AMBRA1: variants seen among roughly 807,000 people sequenced by gnomAD.
AMBRA1 encodes the protein activating molecule in BECN1-regulated autophagy protein 1.
Under a neutral mutation model 125.4 loss-of-function variants are expected in AMBRA1, and 47 were observed. The ratio of observed to expected loss-of-function variants is 0.37; its 90% CI spans 0.30 to 0.48. The LOEUF is 0.48. AMBRA1 is among the 20% of genes least tolerant of loss of function. AMBRA1 has a pLI of 0.99. For missense variants in AMBRA1, 1,331 were observed against 1,693.4 expected (o/e 0.79, Z 3.76); for synonymous variants, 626 against 655.5 (o/e 0.95, Z 0.69).
At chr11:46,405,041 C>T (rs764217625) in intron 17 of AMBRA1, among the ~76,000 whole-genome samples, 3 of 152,204 alleles carry the variant, frequency 2.0e-5, no homozygotes, top group Admixed American at 6.5e-5. Flanking sequence ...GTCAGTTCTC[C>T]ACATGCACCA....
intron 11 of AMBRA1, among the ~76,000 whole-genome samples, chr11:46,484,091 T>C (rs1294885465): frequency 1.3e-5 from 2 of 152,160 alleles, no homozygotes; most frequent in African/African-American, 2.4e-5. Context: ...CCTGGGTTTA[T>C]CATAGGCTCA....
chr11:46,404,894 C>T (rs1236247220), intron 17 of AMBRA1, among the ~76,000 whole-genome samples: 1 of 152,184 alleles, frequency 6.6e-6, no homozygotes, highest in Non-Finnish European at 1.5e-5. Context: ...GCAGAGAATT[C>T]TCTGGGAGGT....
chr11:46,448,878 A>G (rs1053158861), intron 11 of AMBRA1, among the ~76,000 whole-genome samples: 1 of 152,220 alleles, frequency 6.6e-6, no homozygotes, highest in Non-Finnish European at 1.5e-5. Flanking sequence ...AAGACACAGT[A>G]TATTACAATT....
chr11:46,541,633 A>G (rs1246097439), intron 7 of AMBRA1, among the ~76,000 whole-genome samples: 1 of 152,216 alleles, frequency 6.6e-6, no homozygotes, highest in African/African-American at 2.4e-5. Flanking sequence ...AAGGTCAAAA[A>G]GCAGGCAGAG....
chr11:46,519,468 C>G (rs974647492), intron 7 of AMBRA1, among the ~76,000 whole-genome samples: 2 of 152,214 alleles, frequency 1.3e-5, no homozygotes, highest in African/African-American at 4.8e-5. Context: ...TGTCAGATCA[C>G]AGAGAAAAAT....
At chr11:46,570,685 T>G (rs2043726598) in intron 1 of AMBRA1, among the ~76,000 whole-genome samples, 1 of 152,066 alleles carries the variant, frequency 6.6e-6, no homozygotes, top group Non-Finnish European at 1.5e-5. Flanking sequence ...CAGTAAGAGA[T>G]AAACTGTAGG....
In AMBRA1 at chr11:46,543,484, ACAAT is replaced by A. The variant is rs61487456; in HGVS notation, c.619-90_619-87del. ...GTAAATCAAGAAAAACTAACCACTG[ACAAT>A]CATCCAAGGAAAACAATGTTCATAG... On this transcript the variant is annotated intron_variant, in intron 6 of 17. Transcript: ENST00000683756. The A allele has an allele frequency of 2.3e-3, 3,482 of 1,518,314 alleles. 72 individuals are homozygous for A. In the African/African-American group the frequency reaches 0.043, roughly 19 times the overall value. The allele number at this position is 1,518,314 out of a possible 1,614,324, so 94.1% of individuals were successfully genotyped here.
At chr11:46,533,551 C>A (rs1303229559) in intron 7 of AMBRA1, among the ~76,000 whole-genome samples, 2 of 152,158 alleles carry the variant, frequency 1.3e-5, no homozygotes, top group East Asian at 3.9e-4. Context: ...TTCAACCGTT[C>A]ATCAGCTCTT....
intron 5 of AMBRA1, 70 bp from the exon 6 acceptor site, chr11:46,544,111 T>C: frequency 2.3e-6 from 3 of 1,285,084 alleles, no homozygotes. Context: ...AGGAAACTTG[T>C]GTTTGAATTT....
At chr11:46,465,794 A>G (rs1311002288) in intron 11 of AMBRA1, among the ~76,000 whole-genome samples, 4 of 152,236 alleles carry the variant, frequency 2.6e-5, no homozygotes, top group African/African-American at 9.7e-5. Flanking sequence ...GTAACACAGA[A>G]CTTCTGAAAT....
chr11:46,482,452 C>T (rs1950106778), intron 11 of AMBRA1, among the ~76,000 whole-genome samples: 1 of 152,256 alleles, frequency 6.6e-6, no homozygotes, highest in South Asian at 2.1e-4. Context: ...CAAAAAGCAG[C>T]CACTGGCACT....
intron 7 of AMBRA1, among the ~76,000 whole-genome samples, chr11:46,528,720 T>G (rs1221231929): frequency 6.6e-6 from 1 of 152,164 alleles, no homozygotes; most frequent in Admixed American, 6.6e-5. Flanking sequence ...TAATGTGTAC[T>G]GTACACTTTT....
chr11:46,471,538 ACTGCACTCCAGCCTG>A (rs1044406633), intron 11 of AMBRA1, among the ~76,000 whole-genome samples: 2 of 150,960 alleles, frequency 1.3e-5, no homozygotes, highest in African/African-American at 4.9e-5. Context: ...AGATCGCCCC[ACTGCACTCCAGCCTG>A]GGCAACAGAG....
intron 16 of AMBRA1, 117 bp from the exon 17 acceptor site, chr11:46,408,823 A>T: frequency 1.0e-6 from 1 of 966,282 alleles, no homozygotes; most frequent in Non-Finnish European, 1.4e-6. Flanking sequence ...GCAGGCTAAG[A>T]GAAGCCCTGT....
At chr11:46,431,273 T>A (rs1382834749) in intron 14 of AMBRA1, among the ~76,000 whole-genome samples, 1 of 152,182 alleles carries the variant, frequency 6.6e-6, no homozygotes, top group African/African-American at 2.4e-5. Context: ...TGGTACCTAC[T>A]GAGAATCAAA....
At chr11:46,533,062 C>G (rs1250052293) in intron 7 of AMBRA1, among the ~76,000 whole-genome samples, 1 of 152,000 alleles carries the variant, frequency 6.6e-6, no homozygotes, top group Non-Finnish European at 1.5e-5. Context: ...ACTCGGGAGG[C>G]TGAGGCACGA....
At chr11:46,527,023 TAGTC>T (rs1331662923) in intron 7 of AMBRA1, among the ~76,000 whole-genome samples, 1 of 152,212 alleles carries the variant, frequency 6.6e-6, no homozygotes, top group African/African-American at 2.4e-5. Context: ...GCCCCTGTAT[TAGTC>T]AGAAGGGTCA....
intron 15 of AMBRA1, 114 bp downstream of exon 15, chr11:46,417,799 G>A: frequency 7.9e-7 from 1 of 1,266,534 alleles, no homozygotes; most frequent in Non-Finnish European, 1.0e-6. Context: ...TGAGAATGAG[G>A]CAGGCTCTAG....
At chr11:46,589,285 C>A (rs966991610) in intron 1 of AMBRA1, among the ~76,000 whole-genome samples, 1 of 152,154 alleles carries the variant, frequency 6.6e-6, no homozygotes, top group African/African-American at 2.4e-5. Flanking sequence ...ATCACATTAA[C>A]TTGGGGGAGC....
Sources: allele counts gnomAD v4.1 joint callset (sites outside exome capture counted in the v4.1 genomes callset), GRCh38; gene constraint gnomAD v4.1.1; transcripts MANE v1.5; gene names NCBI Gene and HGNC (gene_info 2026-07-23, HGNC 2026-07-21).